The following GRIP2 variants were observed in gnomAD, a reference collection of about 807,000 sequenced individuals.
The protein encoded by GRIP2 is glutamate receptor interacting protein 2.
Under a neutral mutation model 108.3 loss-of-function variants are expected in GRIP2, and 58 were observed. The ratio of observed to expected loss-of-function variants is 0.54; its 90% CI spans 0.43 to 0.67. GRIP2 has a LOEUF of 0.67. Among genes scored for constraint, GRIP2 ranks in the 30% least tolerant of loss-of-function variants. The pLI is 0.00. For missense variants in GRIP2, 1,278 were observed against 1,430.6 expected (o/e 0.89, Z 1.72); for synonymous variants, 586 against 598.2 (o/e 0.98, Z 0.30).
chr3:14,548,528 C>A (rs1289574884), intron 1 of GRIP2, among the ~76,000 whole-genome samples: 1 of 152,218 alleles, frequency 6.6e-6, no homozygotes, highest in Non-Finnish European at 1.5e-5. Context: ...CAGCTGTCAT[C>A]CCGTGCCTGT....
In GRIP2 at chr3:14,493,069, G is replaced by GA. The variant is rs1241277574; in HGVS notation, c.*595dup. On this transcript the variant is annotated 3_prime_UTR_variant, in exon 24 of 24. Transcript: ENST00000621039. The stretch of plus-strand genomic sequence containing the variant: ...CCCCAAACCCCTATTCTGGAGAAGC[G>GA]AAGGAGCTGGGCTCCCATCCGAAGC... 2.0e-5 allele frequency: 3 copies of GA among 152,276 alleles called. No individual in the cohort carries two copies. Among genetic ancestry groups the GA allele is most frequent in the Non-Finnish European group, 4.4e-5 (3 of 68,076 alleles). The allele number at this position is 152,276 out of a possible 1,614,324, so 9.4% of individuals were successfully genotyped here.
intron 21 of GRIP2, among the ~76,000 whole-genome samples, chr3:14,500,831 C>A (rs1226268175): frequency 6.6e-6 from 1 of 152,072 alleles, no homozygotes; most frequent in Non-Finnish European, 1.5e-5. Flanking sequence ...TCTGATAAAA[C>A]CCCCACGTTC....
At chr3:14,538,115 C>G (rs1694876700) in intron 1 of GRIP2, among the ~76,000 whole-genome samples, 2 of 152,190 alleles carry the variant, frequency 1.3e-5, no homozygotes, top group South Asian at 4.1e-4. Flanking sequence ...CCATCAGGAG[C>G]AGAGAAAGGG....
intron 1 of GRIP2, among the ~76,000 whole-genome samples, chr3:14,551,784 C>A (rs553023137): frequency 2.6e-5 from 4 of 152,170 alleles, no homozygotes; most frequent in Admixed American, 1.3e-4. Flanking sequence ...GGAAGTCAGG[C>A]GGCCTGGGTA....
intron 3 of GRIP2, 56 bp downstream of exon 3, chr3:14,525,381 C>A (rs1346408573): frequency 1.3e-6 from 2 of 1,591,288 alleles, no homozygotes; most frequent in African/African-American, 2.7e-5. Flanking sequence ...TGGCCCTGGG[C>A]TCCCATCATT....
At chr3:14,570,202 A>T in the GRIP2 span, among the ~76,000 whole-genome samples, 1 of 152,194 alleles carries the variant, frequency 6.6e-6, no homozygotes, top group Non-Finnish European at 1.5e-5. Flanking sequence ...TGTGTGATGA[A>T]ATCCCCTTTG....
At position 14,496,556 on chromosome 3, in the gene GRIP2, G is replaced by A; in HGVS notation, c.2684C>T (p.Ser895Phe). Residue 895 changes from serine to phenylalanine, a missense_variant, in exon 22 of 24, where the codon TCC becomes TTC. Ser to Phe is a radical substitution (Grantham distance 155). Coordinates refer to ENST00000621039, the MANE Select transcript of GRIP2 (RefSeq NM_001080423.4). Reference sequence around the variant, plus strand: ...CCTCTGCACGGTGCCCGTCATGATGGATGCCTGCAAGGAACACGGCCTTTC... The same window carrying A: ...CCTCTGCACGGTGCCCGTCATGATGAATGCCTGCAAGGAACACGGCCTTTC... ...QSELLRELEASIMTGTVQRVA... is the reference protein window; with the variant it reads ...QSELLRELEAFIMTGTVQRVA... 6.4e-7 allele frequency: 1 copy of A among 1,567,432 alleles called. No homozygotes were observed. The highest frequency in any genetic ancestry group is 8.6e-7 in the Non-Finnish European group (1 of 1,161,502).
At chr3:14,574,858 C>G in the GRIP2 span, 3 of 310,302 alleles carry the variant, frequency 9.7e-6, no homozygotes, top group African/African-American at 2.2e-5. Context: ...GGATGAATAT[C>G]AAAAACATCA....
intron 9 of GRIP2, among the ~76,000 whole-genome samples, chr3:14,518,121 A>G (rs1202980536): frequency 1.3e-5 from 2 of 152,160 alleles, no homozygotes; most frequent in Non-Finnish European, 2.9e-5. Context: ...CAGGAGAGAG[A>G]AAGGAAGCCA....
chr3:14,573,023 G>T, the GRIP2 span: 1 of 1,418,806 alleles, frequency 7.0e-7, no homozygotes, highest in Non-Finnish European at 1.0e-6. Context: ...AGCATTTCCA[G>T]TACAGATGGA....
At chr3:14,541,495 T>G (rs970483384), upstream of GRIP2, among the ~76,000 whole-genome samples, 5 of 152,186 alleles carry the variant, frequency 3.3e-5, no homozygotes, top group Admixed American at 2.6e-4. Context: ...GTGGGTTCCC[T>G]CCAGAACAGT....
At chr3:14,573,406 C>T in the GRIP2 span, 4 of 1,349,364 alleles carry the variant, frequency 3.0e-6, no homozygotes, top group Non-Finnish European at 4.2e-6. Flanking sequence ...CAGATGGACA[C>T]CAGGTAGTGC....
At chr3:14,573,704 G>C in the GRIP2 span, 2 of 1,418,090 alleles carry the variant, frequency 1.4e-6, no homozygotes, top group Non-Finnish European at 2.0e-6. Context: ...TCGGCCACTT[G>C]GTAATGTCTT....
intron 11 of GRIP2, among the ~76,000 whole-genome samples, chr3:14,516,612 C>G (rs1575007600): frequency 6.6e-6 from 1 of 152,134 alleles, no homozygotes; most frequent in African/African-American, 2.4e-5. Flanking sequence ...TTATTACATT[C>G]TGGACAGCTA....
the GRIP2 span, among the ~76,000 whole-genome samples, chr3:14,570,965 C>CT: frequency 5.4e-3 from 827 of 152,254 alleles, 10 homozygotes; most frequent in African/African-American, 0.019. Context: ...CCAGACAATT[C>CT]TTTGTGGTGG....
upstream of GRIP2, among the ~76,000 whole-genome samples, chr3:14,560,001 C>G (rs1695293737): frequency 6.6e-6 from 1 of 152,158 alleles, no homozygotes; most frequent in Admixed American, 6.5e-5. Flanking sequence ...ACCCGTAATT[C>G]CAGCCCTTTG....
At chr3:14,593,459 A>G in the GRIP2 span, among the ~76,000 whole-genome samples, 1 of 152,190 alleles carries the variant, frequency 6.6e-6, no homozygotes, top group Non-Finnish European at 1.5e-5. Context: ...GTGCATCACC[A>G]AGCCTCGTTC....
chr3:14,573,696 G>A, the GRIP2 span: 103 of 1,425,332 alleles, frequency 7.2e-5, no homozygotes, highest in South Asian at 2.0e-4. Context: ...GGTGCAGATC[G>A]GCCACTTGGT....
chr3:14,517,357 G>C, intron 10 of GRIP2, 144 bp from the exon 11 acceptor site: 1 of 835,148 alleles, frequency 1.2e-6, no homozygotes, highest in South Asian at 2.2e-5. Flanking sequence ...TGTGACCTCA[G>C]GCAAGTCCCT....
Sources: gnomAD v4.1 joint callset for allele counts (sites outside exome capture counted in the v4.1 genomes callset) on GRCh38, gnomAD v4.1.1 for gene constraint, MANE v1.5 for transcripts, NCBI Gene and HGNC (gene_info 2026-07-23, HGNC 2026-07-21) for gene names.